The following ITGAX variants were observed in gnomAD, a reference collection of about 807,000 sequenced individuals.
ITGAX encodes the protein integrin alpha-X.
In ITGAX, 99 loss-of-function variants were observed where a neutral mutation model predicts 140.2. That is an observed-to-expected ratio of 0.71 (90% confidence interval 0.60 to 0.83). ITGAX has a LOEUF of 0.83. ITGAX is among the 40% of genes least tolerant of loss of function. The pLI is 0.00. For synonymous variants in ITGAX, 631 were observed against 600.4 expected (o/e 1.05, Z -0.75); for missense variants, 1,444 against 1,482.0 (o/e 0.97, Z 0.42).
At position 31,372,465 on chromosome 16, in the gene ITGAX, C is replaced by A. The variant is rs139559004; in HGVS notation, c.2248C>A (p.Arg750=). ...GCCCCTCCTTGCCTTCAGAAACCTG[C>A]GGCCTATGCTGGCCGCCGATGCTCA... ...GKPLLAFRNL[R]PMLAADAQRY... Residue 750 remains arginine (R), a synonymous_variant, in exon 18 of 30, where the codon CGG becomes AGG. Coordinates refer to ENST00000268296, the MANE Select transcript of ITGAX (RefSeq NM_000887.5). 2 of 1,607,304 alleles carry A rather than the reference C, an allele frequency of 1.2e-6. No individual in the cohort carries two copies. The highest frequency in any genetic ancestry group is 2.2e-5 in the South Asian group (2 of 90,530).
chr16:31,369,186 G>A (rs923315523), intron 14 of ITGAX, among the ~76,000 whole-genome samples: 6 of 151,514 alleles, frequency 4.0e-5, no homozygotes, highest in Non-Finnish European at 5.9e-5. Flanking sequence ...AGGGGCGGCC[G>A]GGCAGAGGTG....
chr16:31,361,056 G>C lies in ITGAX; in HGVS notation c.862-7G>C. On this transcript the variant is annotated splice_region_variant and splice_polypyrimidine_tract_variant and intron_variant, in intron 8 of 29. Coordinates refer to ENST00000268296, the MANE Select transcript of ITGAX (RefSeq NM_000887.5). Reference sequence around the variant, plus strand: ...ATTTTTACTGAGTTGATCTTTTCTGGGGACAGGTTGGATTAGCTTTTCAAA... The same window carrying C: ...ATTTTTACTGAGTTGATCTTTTCTGCGGACAGGTTGGATTAGCTTTTCAAA... The C allele has an allele frequency of 6.2e-7, 1 of 1,611,358 alleles. No individual in the cohort carries two copies. Among genetic ancestry groups the C allele is most frequent in the South Asian group, 1.1e-5 (1 of 90,414 alleles).
chr16:31,362,203 G>C lies in ITGAX; in HGVS notation c.1215G>C (p.Leu405=). The C allele has an allele frequency of 1.2e-6, 2 of 1,613,958 alleles. No homozygotes were observed. Among genetic ancestry groups the C allele is most frequent in the Non-Finnish European group, 1.7e-6 (2 of 1,179,946 alleles). ...ATGTGGACATGAGGGACTCTTACCT[G>C]GGTGAGAAACAGCCAGGGGTTGGGG... ...QENVDMRDSY[L]GYSTELALWK... Residue 405 remains leucine (L), a splice_region_variant and synonymous_variant, in exon 11 of 30, where the codon CTG becomes CTC. Coordinates refer to ENST00000268296, the MANE Select transcript of ITGAX (RefSeq NM_000887.5).
intron 14 of ITGAX, among the ~76,000 whole-genome samples, chr16:31,363,923 C>T (rs2080865206): frequency 6.6e-6 from 1 of 152,212 alleles, no homozygotes; most frequent in Non-Finnish European, 1.5e-5. Flanking sequence ...CGGCTCCCTG[C>T]TGCTCACCAC....
intron 5 of ITGAX, chr16:31,357,694 A>G (rs2080778700): frequency 4.6e-6 from 2 of 433,990 alleles, no homozygotes; most frequent in Admixed American, 4.3e-5. Flanking sequence ...CAGCCCCATG[A>G]AGGCCAGCTG....
chr16:31,360,211 G>A (rs1184950188), intron 7 of ITGAX, 99 bp from the exon 8 acceptor site: 2 of 1,511,354 alleles, frequency 1.3e-6, no homozygotes, highest in African/African-American at 1.4e-5. Flanking sequence ...GTGGGACTGG[G>A]GCCTCCCAAA....
Position 31,371,211 on chromosome 16 carries a change from T to A in ITGAX, c.1838T>A (p.Leu613His), listed in dbSNP as rs769531086. The A allele has an allele frequency of 6.2e-7, 1 of 1,607,952 alleles. No homozygotes were observed. Among genetic ancestry groups the A allele is most frequent in the African/African-American group, 1.3e-5 (1 of 74,918 alleles). The change falls in exon 15 of 30, where the codon CTC becomes CAC. Residue 613 changes from leucine to histidine, a missense_variant. By Grantham distance (99) the Leu-to-His change is moderately conservative. Coordinates refer to ENST00000268296, the MANE Select transcript of ITGAX (RefSeq NM_000887.5). ...AVGARGQVLL[L>H]RTRPVLWVGV... is the part of the protein sequence containing the mutation. The stretch of plus-strand genomic sequence containing the variant: ...GGGGCCCGGGGCCAGGTGCTCCTGC[T>A]CAGGTGAGAGCAGCCTTTCTCAGAG...
chr16:31,380,905 G>T lies in ITGAX; in HGVS notation c.3285G>T (p.Thr1095=), dbSNP rs891546127. 6.2e-7 allele frequency: 1 copy of T among 1,613,858 alleles called. No homozygotes were observed. The highest frequency in any genetic ancestry group is 1.3e-5 in the African/African-American group (1 of 74,888). The change falls in exon 29 of 30, where the codon ACG becomes ACT. Residue 1095 remains threonine (T), a synonymous_variant. Coordinates refer to ENST00000268296, the MANE Select transcript of ITGAX (RefSeq NM_000887.5). ...QEAFMRAQTT[T]VLEKYKVHNP... ...GGTCACTTCCACTTCAGACGACAAC[G>T]GTGCTGGAGAAGTACAAGGTCCACA...
At position 31,361,862 on chromosome 16, in the gene ITGAX, T is replaced by C; in HGVS notation, c.1039T>C (p.Phe347Leu). ...EGTETTSSSS[F>L]ELEMAQEGFS... ...TACGGAGACCACAAGCAGTAGCTCC[T>C]TCGAATTGGAGATGGCACAGGAGGG... Residue 347 changes from phenylalanine (F) to leucine (L), a missense_variant, in exon 10 of 30, where the codon TTC (phenylalanine) becomes CTC (leucine). Coordinates refer to ENST00000268296, the MANE Select transcript of ITGAX (RefSeq NM_000887.5). 1 of 1,614,008 alleles carries C rather than the reference T, an allele frequency of 6.2e-7. No homozygotes were observed. The highest frequency in any genetic ancestry group is 8.5e-7 in the Non-Finnish European group (1 of 1,179,972).
In ITGAX at chr16:31,371,675, G is replaced by A. The variant is rs1295158749; in HGVS notation, c.2051G>A (p.Gly684Asp). Residue 684 changes from glycine to aspartate, a missense_variant, in exon 17 of 30, where the codon GGC becomes GAC. Coordinates refer to ENST00000268296, the MANE Select transcript of ITGAX (RefSeq NM_000887.5). Reference sequence around the variant, plus strand: ...ACCTTGGACCTGGCCCTCGACCCTGGCCGCCTGAGTCCCCGTGCCACCTTC... The same window carrying A: ...ACCTTGGACCTGGCCCTCGACCCTGACCGCCTGAGTCCCCGTGCCACCTTC... ...SVTLDLALDPGRLSPRATFQE... is the reference protein window; with the variant it reads ...SVTLDLALDPDRLSPRATFQE... 13 of 1,613,976 alleles carry A rather than the reference G, an allele frequency of 8.1e-6. No homozygotes were observed. Among genetic ancestry groups the A allele is most frequent in the South Asian group, 1.1e-5 (1 of 91,070 alleles).
In ITGAX at chr16:31,382,243, T is replaced by G; in HGVS notation, c.*336T>G. On this transcript the variant is annotated 3_prime_UTR_variant, in exon 30 of 30. Transcript: ENST00000268296. Reference sequence around the variant, plus strand: ...TCTTTCCTTTCTTTTTTTTTTTTTTTCTTTTCTTTTTTTTTTTTTTGAGAC... The same window carrying G: ...TCTTTCCTTTCTTTTTTTTTTTTTTGCTTTTCTTTTTTTTTTTTTTGAGAC... The G allele has an allele frequency of 6.7e-6, 7 of 1,046,060 alleles. No individual in the cohort carries two copies. The highest frequency in any genetic ancestry group is 1.7e-5 in the African/African-American group (1 of 57,220). The allele number at this position is 1,046,060 out of a possible 1,614,324, so 64.8% of individuals were successfully genotyped here.
intron 23 of ITGAX, among the ~76,000 whole-genome samples, chr16:31,377,700 A>C (rs1347770784): frequency 6.6e-6 from 1 of 152,126 alleles, no homozygotes; most frequent in East Asian, 1.9e-4. Context: ...CAGGGGACCC[A>C]CAGGCAGGGC....
chr16:31,379,740 C>G lies in ITGAX; in HGVS notation c.2869-17C>G, dbSNP rs1359219935. On this transcript the variant is annotated splice_polypyrimidine_tract_variant and intron_variant, in intron 24 of 29. Coordinates refer to ENST00000268296, the MANE Select transcript of ITGAX (RefSeq NM_000887.5). ...TGGGCTTTGGCGTGGGCTCTGCCCT[C>G]AGTGCCCTCTGTGCAGGTCAATAAC... 7 of 1,610,506 alleles carry G rather than the reference C, an allele frequency of 4.3e-6. No homozygotes were observed. Among genetic ancestry groups the G allele is most frequent in the Admixed American group, 3.4e-5 (2 of 59,558 alleles).
intron 12 of ITGAX, 86 bp from the exon 13 acceptor site, chr16:31,362,849 T>C: frequency 6.2e-7 from 1 of 1,604,996 alleles, no homozygotes; most frequent in Admixed American, 1.7e-5. Context: ...TTGGGGGAGG[T>C]CCTGGTACCT....
Position 31,376,813 on chromosome 16 carries a change from G to A in ITGAX, c.2523G>A (p.Leu841=), listed in dbSNP as rs557461615. The A allele has an allele frequency of 3.1e-6, 5 of 1,614,182 alleles. No homozygotes were observed. The South Asian group carries it at 5.5e-5, about 18-fold the overall frequency. The change falls in exon 21 of 30, where the codon CTG becomes CTA. Residue 841 remains leucine, a synonymous_variant. Transcript: ENST00000268296. ...CTCATGCCTAGAAACAAGGGCAGCT[G>A]CGTTCCCTGCACCTGACATGTGACA... ...YVAEGQKQGQ[L]RSLHLTCDSA... is the part of the protein sequence containing the mutation.
At position 31,356,677 on chromosome 16, in the gene ITGAX, C is replaced by A. The variant is rs200902675; in HGVS notation, c.196C>A (p.Leu66Ile). 4.2e-5 allele frequency: 68 copies of A among 1,601,444 alleles called. No homozygotes were observed. The East Asian group carries it at 1.5e-3, about 35-fold the overall frequency. The change falls in exon 3 of 30, where the codon CTC becomes ATC. Residue 66 changes from leucine (L) to isoleucine (I), a missense_variant. By Grantham distance (5) the Leu-to-Ile change is conservative. Transcript: ENST00000268296. ...AACAGCTGCCAACCAAACGGGTGGC[C>A]TCTACCAGTGTGGCTACAGCACTGG... The part of the protein sequence containing the change: ...KITAANQTGG[L>I]YQCGYSTGAC...
At chr16:31,371,913 CTTA>C in intron 17 of ITGAX, 129 bp downstream of exon 17, 1 of 1,103,114 alleles carries the variant, frequency 9.1e-7, no homozygotes, top group Non-Finnish European at 1.3e-6. Flanking sequence ...GCAGGACGTG[CTTA>C]CTGCACGTTA....
In ITGAX at chr16:31,363,416, C is replaced by T. The variant is rs146660768; in HGVS notation, c.1710+42C>T. The T allele has an allele frequency of 4.4e-3, 7,005 of 1,599,918 alleles. 27 individuals carry two copies. Among genetic ancestry groups the T allele is most frequent in the Non-Finnish European group, 5.4e-3 (6,277 of 1,167,074 alleles). On this transcript the variant is annotated intron_variant, in intron 14 of 29. Coordinates refer to ENST00000268296, the MANE Select transcript of ITGAX (RefSeq NM_000887.5). ...TTTCTGTCACTAGAGCAGCCTGCTT[C>T]TTGCCTCTCCCACTCTGTCATACTG... is the stretch of plus-strand genomic sequence containing the variant.
intron 5 of ITGAX, 52 bp downstream of exon 5, chr16:31,357,416 G>T: frequency 8.5e-7 from 1 of 1,174,434 alleles, no homozygotes; most frequent in Non-Finnish European, 1.2e-6. Flanking sequence ...ATCCAATTGG[G>T]GGTGCGGTGG....
Sources: allele counts gnomAD v4.1 joint callset (sites outside exome capture counted in the v4.1 genomes callset), GRCh38; gene constraint gnomAD v4.1.1; transcripts MANE v1.5; gene names NCBI Gene and HGNC (gene_info 2026-07-23, HGNC 2026-07-21).